The following ADCY2 variants were observed in gnomAD, a reference collection of about 807,000 sequenced individuals.
The protein encoded by ADCY2 is adenylate cyclase type 2.
ADCY2 carries 31 observed loss-of-function variants against 125.2 expected under a neutral mutation model. The observed-to-expected ratio is 0.25, with a 90% CI of 0.19 to 0.33. The LOEUF is 0.33. Among genes scored for constraint, ADCY2 ranks in the 10% least tolerant of loss-of-function variants. The pLI is 1.00. For synonymous variants in ADCY2, 512 were observed against 548.4 expected (o/e 0.93, Z 0.93); for missense variants, 904 against 1,418.2 (o/e 0.64, Z 5.82).
chr5:7,809,003 T>C (rs571682306), intron 22 of ADCY2, among the ~76,000 whole-genome samples: 3 of 152,354 alleles, frequency 2.0e-5, no homozygotes, highest in African/African-American at 7.2e-5. Context: ...TGCACTTCTG[T>C]TACCTTACGC....
At chr5:7,426,147 C>T (rs1740378261) in intron 2 of ADCY2, among the ~76,000 whole-genome samples, 1 of 152,212 alleles carries the variant, frequency 6.6e-6, no homozygotes, top group Admixed American at 6.5e-5. Context: ...TCTGGCCAGA[C>T]AGCTTACCTT....
At chr5:7,792,394 CTAAA>C (rs1744277770) in intron 20 of ADCY2, among the ~76,000 whole-genome samples, 1 of 152,174 alleles carries the variant, frequency 6.6e-6, no homozygotes, top group Admixed American at 6.5e-5. Context: ...AACTCCATCT[CTAAA>C]TAAATAAATA....
intron 5 of ADCY2, chr5:7,691,783 T>C (rs1017523732): frequency 6.4e-6 from 1 of 155,582 alleles, no homozygotes; most frequent in Admixed American, 6.5e-5. Context: ...TGAGACTGGG[T>C]AATTTATAAA....
intron 2 of ADCY2, among the ~76,000 whole-genome samples, chr5:7,485,578 AT>A (rs1192356460): frequency 4.6e-5 from 7 of 152,012 alleles, no homozygotes; most frequent in Non-Finnish European, 1.0e-4. Flanking sequence ...GATTTTGGTG[AT>A]TTTTTTTCTT....
chr5:7,789,549 C>G, intron 19 of ADCY2, 93 bp from the exon 20 acceptor site: 2 of 1,332,024 alleles, frequency 1.5e-6, no homozygotes, highest in South Asian at 1.4e-5. Flanking sequence ...TTTTCGGTTT[C>G]ATTTTGTTCT....
intron 16 of ADCY2, among the ~76,000 whole-genome samples, chr5:7,760,275 C>T (rs905669352): frequency 6.6e-6 from 1 of 152,208 alleles, no homozygotes; most frequent in Non-Finnish European, 1.5e-5. Context: ...CAAGATCCAG[C>T]TCCCCAGGAA....
In ADCY2 at chr5:7,404,211, G is replaced by T. The variant is rs535317127; in HGVS notation, c.210+7705G>T. On this transcript the variant is annotated intron_variant, in intron 1 of 24. Coordinates refer to ENST00000338316, the MANE Select transcript of ADCY2 (RefSeq NM_020546.3). ...GATGTTTTCCATATGCTTTATTTTT[G>T]ATTTTTATTTATAATATTGTTTTTA... Among the ~76,000 whole-genome samples, 12 of 151,984 alleles carry T rather than the reference G, an allele frequency of 7.9e-5. No individual in the cohort carries two copies. In the South Asian group the frequency reaches 2.3e-3, roughly 29 times the overall value.
intron 15 of ADCY2, among the ~76,000 whole-genome samples, chr5:7,755,230 C>T (rs1433050171): frequency 1.3e-5 from 2 of 152,152 alleles, no homozygotes; most frequent in African/African-American, 2.4e-5. Flanking sequence ...GCAGCCTGTG[C>T]GGCTGAGGGC....
At chr5:7,587,001 CATAGAT>C (rs1449268260) in intron 3 of ADCY2, among the ~76,000 whole-genome samples, 1 of 152,100 alleles carries the variant, frequency 6.6e-6, no homozygotes, top group African/African-American at 2.4e-5. Context: ...TAGACAAAGA[CATAGAT>C]ATAGGTGATA....
intron 3 of ADCY2, among the ~76,000 whole-genome samples, chr5:7,545,528 C>T (rs1050338222): frequency 9.9e-5 from 15 of 152,224 alleles, no homozygotes; most frequent in East Asian, 3.9e-4. Flanking sequence ...CTGCTCTCGA[C>T]GTGTAGAAGT....
chr5:7,489,814 A>AGTGT, intron 2 of ADCY2, among the ~76,000 whole-genome samples: 1 of 150,866 alleles, frequency 6.6e-6, no homozygotes, highest in Admixed American at 6.6e-5. Flanking sequence ...TTTCTGCTTC[A>AGTGT]GTGTGTGTGT....
chr5:7,449,382 G>A (rs1741392145), intron 2 of ADCY2, among the ~76,000 whole-genome samples: 2 of 152,146 alleles, frequency 1.3e-5, no homozygotes, highest in South Asian at 4.1e-4. Flanking sequence ...TGTGTTTTCA[G>A]TGTATTCTGT....
intron 2 of ADCY2, among the ~76,000 whole-genome samples, chr5:7,484,556 C>G (rs548773928): frequency 6.6e-6 from 1 of 152,328 alleles, no homozygotes; most frequent in East Asian, 1.9e-4. Context: ...TTTGTCTATT[C>G]TCATTCCCAG....
chr5:7,582,411 G>A (rs1432267713), intron 3 of ADCY2, among the ~76,000 whole-genome samples: 6 of 151,886 alleles, frequency 4.0e-5, no homozygotes, highest in African/African-American at 9.7e-5. Context: ...AACTCTTGTC[G>A]ACTCATTTTA....
intron 24 of ADCY2, among the ~76,000 whole-genome samples, chr5:7,825,912 G>C (rs562882679): frequency 6.6e-6 from 1 of 152,326 alleles, no homozygotes; most frequent in East Asian, 1.9e-4. Context: ...GCAAGTTCAC[G>C]GCCATCCGAC....
chr5:7,754,855 G>A (rs182002975), intron 15 of ADCY2, among the ~76,000 whole-genome samples: 75 of 151,026 alleles, frequency 5.0e-4, no homozygotes, highest in African/African-American at 1.5e-3. Context: ...GCAAGACTCC[G>A]TCTCAGGAAA....
intron 3 of ADCY2, among the ~76,000 whole-genome samples, chr5:7,613,313 A>G (rs1737636287): frequency 6.6e-6 from 1 of 152,182 alleles, no homozygotes; most frequent in African/African-American, 2.4e-5. Context: ...GGTGTGTCCT[A>G]TCACCGGAGC....
chr5:7,768,326 G>T (rs974389077), intron 17 of ADCY2, among the ~76,000 whole-genome samples: 4 of 152,128 alleles, frequency 2.6e-5, no homozygotes, highest in African/African-American at 9.7e-5. Context: ...GCCATTTGTG[G>T]GCCATTTGGA....
chr5:7,584,388 C>A (rs1295968721), intron 3 of ADCY2, among the ~76,000 whole-genome samples: 1 of 152,056 alleles, frequency 6.6e-6, no homozygotes, highest in Non-Finnish European at 1.5e-5. Flanking sequence ...TCATAGGTCA[C>A]TTTGCACAAT....
Sources: gnomAD v4.1 joint callset for allele counts (sites outside exome capture counted in the v4.1 genomes callset) on GRCh38, gnomAD v4.1.1 for gene constraint, MANE v1.5 for transcripts, NCBI Gene and HGNC (gene_info 2026-07-23, HGNC 2026-07-21) for gene names.